MYT1L: variants seen among roughly 807,000 people sequenced by gnomAD.
MYT1L encodes the protein myelin transcription factor 1-like protein.
MYT1L carries 12 observed loss-of-function variants against 126.7 expected under a neutral mutation model. That is an observed-to-expected ratio of 0.09 (90% confidence interval 0.06 to 0.15). The LOEUF (loss-of-function observed/expected upper bound fraction) is 0.15, where lower values mean the gene tolerates loss of function less well. MYT1L is among the 10% of genes least tolerant of loss of function. The probability of loss-of-function intolerance (pLI) is 1.00; values close to 1 mark genes in which losing one functional copy is unlikely to be tolerated. For missense variants in MYT1L, 979 were observed against 1,585.2 expected, an observed-to-expected ratio of 0.62 and a Z score of 6.49; for synonymous variants, 541 against 604.2, an observed-to-expected ratio of 0.90 and a Z score of 1.53.
chr2:1,903,416 C>A (rs900965938), intron 13 of MYT1L, 122 bp from the exon 14 acceptor site: 1 of 752,146 alleles, frequency 1.3e-6, no homozygotes. Context: ...GAACCTTGCA[C>A]TAAAACTACA....
chr2:1,919,369 A>C (rs1253270964), intron 10 of MYT1L, among the ~76,000 whole-genome samples: 1 of 152,210 alleles, frequency 6.6e-6, no homozygotes, highest in Non-Finnish European at 1.5e-5. Flanking sequence ...ATAACCAAGC[A>C]AGCAAAGGGA....
intron 2 of MYT1L, among the ~76,000 whole-genome samples, chr2:2,205,796 C>T (rs1204843861): frequency 6.6e-6 from 1 of 152,102 alleles, no homozygotes; most frequent in African/African-American, 2.4e-5. Flanking sequence ...CATCCCCCTT[C>T]TCTTCACATA....
intron 13 of MYT1L, among the ~76,000 whole-genome samples, chr2:1,907,717 A>G (rs993629495): frequency 7.9e-5 from 12 of 152,272 alleles, no homozygotes; most frequent in African/African-American, 2.9e-4. Flanking sequence ...TTTGAATCGT[A>G]ACTAGTTAAA....
intron 21 of MYT1L, chr2:1,824,839 C>T (rs1224377860): frequency 6.6e-6 from 1 of 152,264 alleles, no homozygotes; most frequent in East Asian, 1.9e-4. Flanking sequence ...CTTCAAGGAA[C>T]AGCTGTTAGA....
intron 4 of MYT1L, among the ~76,000 whole-genome samples, chr2:2,049,608 C>T (rs147571843): frequency 0.013 from 1,967 of 152,274 alleles, 40 homozygotes; most frequent in African/African-American, 0.045. Flanking sequence ...TGTGTCCTCA[C>T]CCAAATCTCA....
chr2:2,189,069 C>T (rs958975433), intron 2 of MYT1L, among the ~76,000 whole-genome samples: 3 of 152,204 alleles, frequency 2.0e-5, no homozygotes, highest in African/African-American at 7.2e-5. Context: ...CCTCTCCAAT[C>T]CATTGCTTCC....
chr2:2,293,308 C>CCT (rs1385689281), intron 1 of MYT1L, among the ~76,000 whole-genome samples: 2 of 152,164 alleles, frequency 1.3e-5, no homozygotes, highest in Non-Finnish European at 2.9e-5. Context: ...GGGAACCTGC[C>CCT]AAGTGCACTA....
intron 18 of MYT1L, among the ~76,000 whole-genome samples, chr2:1,859,998 G>T (rs2044380985): frequency 1.3e-5 from 2 of 152,242 alleles, no homozygotes; most frequent in Non-Finnish European, 2.9e-5. Flanking sequence ...TGTCCATGCT[G>T]CATGCAGTTT....
intron 4 of MYT1L, among the ~76,000 whole-genome samples, chr2:2,044,643 A>C (rs1283275651): frequency 6.6e-6 from 1 of 152,214 alleles, no homozygotes; most frequent in Non-Finnish European, 1.5e-5. Flanking sequence ...TTGCGTTGAT[A>C]GTATAAACGG....
chr2:2,248,068 A>G (rs113629190), intron 2 of MYT1L, among the ~76,000 whole-genome samples: 4 of 152,082 alleles, frequency 2.6e-5, no homozygotes, highest in Non-Finnish European at 4.4e-5. Flanking sequence ...TGAAATGAAT[A>G]AAACAATACA....
intron 9 of MYT1L, among the ~76,000 whole-genome samples, chr2:1,934,714 T>C (rs1181653619): frequency 6.9e-6 from 1 of 145,088 alleles, no homozygotes; most frequent in Non-Finnish European, 1.5e-5. Flanking sequence ...CCCTACCCCC[T>C]GTCTCTGTCA....
chr2:2,222,893 T>C (rs2093915713), intron 2 of MYT1L, among the ~76,000 whole-genome samples: 1 of 152,218 alleles, frequency 6.6e-6, no homozygotes, highest in Non-Finnish European at 1.5e-5. Flanking sequence ...TTGAAAATTA[T>C]TATAAAATAT....
intron 4 of MYT1L, among the ~76,000 whole-genome samples, chr2:2,044,277 TTC>T (rs1160298035): frequency 6.6e-6 from 1 of 152,212 alleles, no homozygotes; most frequent in Non-Finnish European, 1.5e-5. Context: ...ATTAAAGTCT[TTC>T]TGTCACGATA....
In MYT1L at chr2:2,065,880, G is replaced by C. The variant is rs895030397; in HGVS notation, c.-303-11757C>G. Among the ~76,000 whole-genome samples, 13 of 149,862 alleles carry C rather than the reference G, an allele frequency of 8.7e-5. 1 individual carries two copies. Among genetic ancestry groups the C allele is most frequent in the African/African-American group, 3.0e-4 (12 of 40,358 alleles). On this transcript the variant is annotated intron_variant, in intron 3 of 24. Transcript: ENST00000647738. ...CACACACACACACACAGAGCATCTA[G>C]AACCAAAGTTGGAAGTTAAAACAGA...
chr2:2,049,449 G>T (rs867459899), intron 4 of MYT1L, among the ~76,000 whole-genome samples: 3 of 152,172 alleles, frequency 2.0e-5, no homozygotes, highest in South Asian at 2.1e-4. Context: ...AAGTTAAAAT[G>T]CCTACATAAA....
intron 4 of MYT1L, among the ~76,000 whole-genome samples, chr2:2,017,578 C>T (rs2064555577): frequency 6.6e-6 from 1 of 152,208 alleles, no homozygotes; most frequent in Non-Finnish European, 1.5e-5. Flanking sequence ...GTCCAATAGA[C>T]ACAACTCTTT....
At chr2:1,949,205 T>C (rs1302142006) in intron 8 of MYT1L, among the ~76,000 whole-genome samples, 1 of 152,208 alleles carries the variant, frequency 6.6e-6, no homozygotes, top group East Asian at 1.9e-4. Flanking sequence ...CTTGGACTTC[T>C]CACAATTCAG....
chr2:2,109,873 TTTTA>T (rs1280435574), intron 3 of MYT1L, among the ~76,000 whole-genome samples: 4 of 82,012 alleles, frequency 4.9e-5, no homozygotes, highest in South Asian at 4.5e-4. Flanking sequence ...AAAGTGCTGA[TTTTA>T]TATATATATA....
chr2:1,933,853 A>G (rs575802497), intron 9 of MYT1L, among the ~76,000 whole-genome samples: 2 of 152,284 alleles, frequency 1.3e-5, no homozygotes, highest in Admixed American at 6.5e-5. Flanking sequence ...AACATTATTC[A>G]GTTGTAATGA....
Sources: gnomAD v4.1 joint callset for allele counts (sites outside exome capture counted in the v4.1 genomes callset) on GRCh38, gnomAD v4.1.1 for gene constraint, MANE v1.5 for transcripts, NCBI Gene and HGNC (gene_info 2026-07-23, HGNC 2026-07-21) for gene names.